The following PDE10A variants were observed in gnomAD, a reference collection of about 807,000 sequenced individuals.
PDE10A encodes the protein cAMP and cAMP-inhibited cGMP 3',5'-cyclic phosphodiesterase 10A.
Under a neutral mutation model 97.7 loss-of-function variants are expected in PDE10A, and 39 were observed. The observed-to-expected ratio is 0.40, with a 90% confidence interval of 0.31 to 0.52. The LOEUF (loss-of-function observed/expected upper bound fraction) is 0.52, where lower values mean the gene tolerates loss of function less well. Among genes scored for constraint, PDE10A ranks in the 20% least tolerant of loss-of-function variants. PDE10A has a pLI of 0.56. For synonymous variants in PDE10A, 371 were observed against 376.8 expected (o/e 0.98, Z 0.18); for missense variants, 731 against 1,047.8 (o/e 0.70, Z 4.17).
intron 18 of PDE10A, among the ~76,000 whole-genome samples, chr6:165,369,176 C>T (rs1784030377): frequency 1.3e-5 from 2 of 151,980 alleles, no homozygotes; most frequent in Admixed American, 6.6e-5. Flanking sequence ...GAGCACCTCT[C>T]CTCCTCCAAA....
At chr6:165,639,144 T>A (rs3008043) in intron 1 of PDE10A, among the ~76,000 whole-genome samples, 50,201 of 151,782 alleles carry the variant, frequency 0.33, 8,569 homozygotes, top group Middle Eastern at 0.49. Flanking sequence ...GGCTGTGTGA[T>A]AGTAAAATTA....
chr6:165,727,451 T>C (rs1416832647), intron 1 of PDE10A, among the ~76,000 whole-genome samples: 1 of 152,174 alleles, frequency 6.6e-6, no homozygotes, highest in Admixed American at 6.5e-5. Flanking sequence ...AAGACAAGGC[T>C]AGATGCCTGT....
intron 1 of PDE10A, among the ~76,000 whole-genome samples, chr6:165,844,389 G>A (rs1489722773): frequency 2.6e-5 from 4 of 152,136 alleles, no homozygotes; most frequent in East Asian, 3.9e-4. Context: ...AACTTATCTC[G>A]AAGGCTTCAG....
intron 1 of PDE10A, among the ~76,000 whole-genome samples, chr6:165,696,751 T>A (rs1231338329): frequency 1.3e-5 from 2 of 152,158 alleles, no homozygotes; most frequent in African/African-American, 4.8e-5. Context: ...AAACTAGTCG[T>A]TGTAAATATG....
In PDE10A at chr6:165,819,487, C is replaced by T. The variant is rs1343643007; in HGVS notation, c.-615+168042G>A. Among the ~76,000 whole-genome samples the T allele has an allele frequency of 1.4e-4, 21 of 152,168 alleles. 1 individual carries two copies. Among genetic ancestry groups the T allele is most frequent in the Admixed American group, 1.2e-3 (19 of 15,274 alleles). On this transcript the variant is annotated intron_variant, in intron 1 of 19. Transcript: ENST00000366882. The surrounding 1 kb of genome is among the most constrained non-coding windows in gnomAD (Gnocchi z 4.2). Reference sequence around the variant, plus strand: ...CTCCGAGACACGCTTGCACCCTGCACGTGCTGCCCTCTGACTGCAGGGTGC... The same window carrying T: ...CTCCGAGACACGCTTGCACCCTGCATGTGCTGCCCTCTGACTGCAGGGTGC...
intron 1 of PDE10A, among the ~76,000 whole-genome samples, chr6:165,797,784 GACAGAAGGCAAACCTT>G (rs1187625481): frequency 3.9e-5 from 6 of 152,286 alleles, no homozygotes; most frequent in Admixed American, 2.6e-4. Context: ...GTCTTGAAAT[GACAGAAGGCAAACCTT>G]ACACATACAC....
chr6:165,620,119 CCT>C (rs1788054553), intron 1 of PDE10A, among the ~76,000 whole-genome samples: 1 of 152,126 alleles, frequency 6.6e-6, no homozygotes, highest in African/African-American at 2.4e-5. Context: ...GTATTATTTC[CCT>C]GTCAATTCCT....
At chr6:165,364,724 T>C (rs1783651106) in intron 18 of PDE10A, among the ~76,000 whole-genome samples, 1 of 152,324 alleles carries the variant, frequency 6.6e-6, no homozygotes, top group South Asian at 2.1e-4. Context: ...GAAGAAAATA[T>C]TGATCAACTA....
chr6:165,723,796 C>T (rs1792223683), intron 1 of PDE10A, among the ~76,000 whole-genome samples: 5 of 151,744 alleles, frequency 3.3e-5, no homozygotes, highest in Admixed American at 2.6e-4. Flanking sequence ...GATACCTAAA[C>T]ATTTTAAAGC....
intron 1 of PDE10A, among the ~76,000 whole-genome samples, chr6:165,912,333 T>C (rs937867267): frequency 6.6e-6 from 1 of 152,162 alleles, no homozygotes; most frequent in African/African-American, 2.4e-5. Context: ...TCACAAAATA[T>C]ATCAGTAACT....
intron 1 of PDE10A, among the ~76,000 whole-genome samples, chr6:165,633,182 T>C (rs1788715003): frequency 6.6e-6 from 1 of 152,182 alleles, no homozygotes; most frequent in South Asian, 2.1e-4. Flanking sequence ...TTTAGACATC[T>C]ATAAGATGTA....
At chr6:165,504,283 G>A (rs1033361127) in intron 2 of PDE10A, among the ~76,000 whole-genome samples, 1 of 152,090 alleles carries the variant, frequency 6.6e-6, no homozygotes. Context: ...TCAGCATTAT[G>A]ATCTTTTTAT....
At chr6:165,916,426 T>G (rs1782604784) in intron 1 of PDE10A, among the ~76,000 whole-genome samples, 1 of 152,222 alleles carries the variant, frequency 6.6e-6, no homozygotes, top group South Asian at 2.1e-4. Context: ...ATTTGCCCAT[T>G]TCAGTTTTCT....
At position 165,430,264 on chromosome 6, in the gene PDE10A, T is replaced by TAC. The variant is rs147279558; in HGVS notation, c.1601+22_1601+23insGT. 1,145 of 1,566,960 alleles carry TAC rather than the reference T, an allele frequency of 7.3e-4. 11 individuals are homozygous for TAC. The African/African-American group carries it at 0.014, about 19-fold the overall frequency. ...TAAACCATTGATTAATAAGAGCTAC[T>TAC]ATCCCTAGAAATGAACACTTACTTT... On this transcript the variant is annotated intron_variant, in intron 9 of 21. Transcript: ENST00000539869.
At chr6:165,346,213 G>A (rs1782298970) in intron 18 of PDE10A, among the ~76,000 whole-genome samples, 1 of 152,144 alleles carries the variant, frequency 6.6e-6, no homozygotes, top group Admixed American at 6.5e-5. Flanking sequence ...CCTGTGAAGG[G>A]GCAAGGGCAG....
chr6:165,626,338 T>A (rs568047321), intron 1 of PDE10A, among the ~76,000 whole-genome samples: 7 of 152,342 alleles, frequency 4.6e-5, no homozygotes, highest in Non-Finnish European at 8.8e-5. Context: ...GTTCATTCTC[T>A]TATGTTTCAA....
At chr6:165,410,768 G>C (rs1440585991) in intron 13 of PDE10A, among the ~76,000 whole-genome samples, 1 of 151,800 alleles carries the variant, frequency 6.6e-6, no homozygotes, top group Non-Finnish European at 1.5e-5. Flanking sequence ...ATATAATTGT[G>C]AGGAAACACC....
At position 165,635,375 on chromosome 6, in the gene PDE10A, A is replaced by G. The variant is rs74515387; in HGVS notation, c.865+26572T>C. On this transcript the variant is annotated intron_variant, in intron 1 of 21. Coordinates refer to ENST00000539869, the MANE Select transcript of PDE10A (RefSeq NM_001385079.1). ...GTGGGGGTAGTGGTTATTATTTTTCATTTTGTAAGACTGAATACCAGCACC... is the reference window on the plus strand; with the variant it reads ...GTGGGGGTAGTGGTTATTATTTTTCGTTTTGTAAGACTGAATACCAGCACC... Among the ~76,000 whole-genome samples the G allele has an allele frequency of 4.6e-3, 697 of 152,274 alleles. 27 individuals are homozygous for G. The East Asian group carries it at 0.089, about 19-fold the overall frequency.
intron 2 of PDE10A, among the ~76,000 whole-genome samples, chr6:165,501,535 T>C (rs1198116784): frequency 6.7e-6 from 1 of 149,622 alleles, no homozygotes; most frequent in African/African-American, 2.5e-5. Flanking sequence ...ATCGCGCCAC[T>C]GCACTCCAGC....
Sources: allele counts gnomAD v4.1 joint callset (sites outside exome capture counted in the v4.1 genomes callset), GRCh38; gene constraint gnomAD v4.1.1; non-coding constraint Gnocchi (gnomAD v3.1); transcripts MANE v1.5; gene names NCBI Gene and HGNC (gene_info 2026-07-23, HGNC 2026-07-21).